The following GPHN variants were observed in gnomAD, a reference collection of about 807,000 sequenced individuals.
GPHN encodes the protein gephyrin.
A neutral mutation model predicts 95.5 loss-of-function variants in GPHN; 17 were observed. That is an observed-to-expected ratio of 0.18 (90% CI 0.12 to 0.27). The LOEUF (loss-of-function observed/expected upper bound fraction) is 0.27. GPHN is among the 10% of genes least tolerant of loss of function. The pLI is 1.00. For synonymous variants in GPHN, 320 were observed against 322.5 expected (o/e 0.99, Z 0.08); for missense variants, 660 against 978.1 (o/e 0.67, Z 4.34).
rs367586075 is a variant in GPHN, at chr14:66,712,381, G to C, written c.143+31196G>C. Reference sequence around the variant, plus strand: ...TCATGTGTCTGTGGGTTGCATAAATGTCTTCTTCTGAGAAGTGTCTGTTCA... The same window carrying C: ...TCATGTGTCTGTGGGTTGCATAAATCTCTTCTTCTGAGAAGTGTCTGTTCA... On this transcript the variant is annotated intron_variant, in intron 2 of 22. Coordinates refer to ENST00000478722, the MANE Select transcript of GPHN (RefSeq NM_020806.5). Among the ~76,000 whole-genome samples, 4 of 152,168 alleles carry C rather than the reference G, an allele frequency of 2.6e-5. 1 individual carries two copies. Among genetic ancestry groups the C allele is most frequent in the East Asian group, 1.9e-4 (1 of 5,190 alleles).
At chr14:67,387,144 CAT>C in the GPHN span, 4 of 517,024 alleles carry the variant, frequency 7.7e-6, no homozygotes, top group Non-Finnish European at 1.3e-5. Flanking sequence ...AGGTTTGTAA[CAT>C]GAAGATGGGG....
the GPHN span, among the ~76,000 whole-genome samples, chr14:67,209,633 C>A: frequency 6.6e-6 from 1 of 151,636 alleles, no homozygotes; most frequent in Non-Finnish European, 1.5e-5. Context: ...GCCTGGCCAA[C>A]ATGGTGAAAC....
intron 2 of GPHN, among the ~76,000 whole-genome samples, chr14:66,740,705 A>G (rs957167024): frequency 6.6e-6 from 1 of 152,174 alleles, no homozygotes; most frequent in Non-Finnish European, 1.5e-5. Flanking sequence ...TTCTTAATGT[A>G]TATTTAAATG....
intron 3 of GPHN, among the ~76,000 whole-genome samples, chr14:66,779,508 G>A (rs2059528167): frequency 6.6e-6 from 1 of 152,078 alleles, no homozygotes; most frequent in Non-Finnish European, 1.5e-5. Flanking sequence ...ATATTGAATT[G>A]AAATTATGTA....
chr14:66,754,156 G>A (rs937712306), intron 2 of GPHN, among the ~76,000 whole-genome samples: 1 of 151,790 alleles, frequency 6.6e-6, no homozygotes, highest in Admixed American at 6.6e-5. Context: ...TATCAATAAT[G>A]GTATGAACAT....
Position 66,683,707 on chromosome 14 carries a change from G to T in GPHN, c.143+2522G>T, listed in dbSNP as rs142365141. On this transcript the variant is annotated intron_variant, in intron 2 of 22. Coordinates refer to ENST00000478722, the MANE Select transcript of GPHN (RefSeq NM_020806.5). ...ACAAAAATCTCTTCGGCCAGGCACA[G>T]TTTCTCACGCCTGTAATCCCAGCAC... 3.5e-4 allele frequency among the ~76,000 whole-genome samples: 53 copies of T among 151,462 alleles called. No homozygotes were observed. In the East Asian group the frequency reaches 8.4e-3, roughly 24 times the overall value.
chr14:67,435,460 C>T, the GPHN span, among the ~76,000 whole-genome samples: 3 of 152,314 alleles, frequency 2.0e-5, no homozygotes, highest in East Asian at 1.9e-4. Context: ...AGGGGACATT[C>T]GAACCATAGC....
chr14:67,346,496 G>C, the GPHN span, among the ~76,000 whole-genome samples: 2 of 152,166 alleles, frequency 1.3e-5, no homozygotes, highest in African/African-American at 4.8e-5. Context: ...AACTTTTTGG[G>C]TGGAGACGGG....
chr14:66,805,202 G>A (rs1409445446), intron 3 of GPHN, among the ~76,000 whole-genome samples: 1 of 152,054 alleles, frequency 6.6e-6, no homozygotes, highest in Admixed American at 6.6e-5. Flanking sequence ...GCTTATGCAG[G>A]GAAACTCCCC....
At chr14:67,032,299 T>C (rs1452113241) in intron 10 of GPHN, among the ~76,000 whole-genome samples, 1 of 152,200 alleles carries the variant, frequency 6.6e-6, no homozygotes, top group Non-Finnish European at 1.5e-5. Context: ...TGAGGGCTAC[T>C]GAAAGCCAGG....
chr14:67,089,770 A>C (rs2077073751), intron 12 of GPHN, among the ~76,000 whole-genome samples: 1 of 152,168 alleles, frequency 6.6e-6, no homozygotes, highest in Admixed American at 6.5e-5. Context: ...ATATTTCAAA[A>C]TTCTGGCGCC....
At chr14:66,558,074 A>G (rs2060078702) in intron 1 of GPHN, among the ~76,000 whole-genome samples, 2 of 152,164 alleles carry the variant, frequency 1.3e-5, no homozygotes, top group African/African-American at 4.8e-5. Context: ...AACCTTCTCA[A>G]TGAAAATATT....
intron 1 of GPHN, among the ~76,000 whole-genome samples, chr14:66,663,870 T>TG (rs1421683792): frequency 1.3e-5 from 2 of 151,882 alleles, no homozygotes; most frequent in African/African-American, 4.8e-5. Flanking sequence ...CAAAGATCAA[T>TG]AAAGACAAAG....
chr14:67,587,521 ACTGTTACTGAGGGCATCAGTGCT>A, the GPHN span: 2 of 443,160 alleles, frequency 4.5e-6, no homozygotes, highest in Non-Finnish European at 4.2e-6. Context: ...GGGATGATCC[ACTGTTACTGAGGGCATCAGTGCT>A]ATAAGTTAAG....
the GPHN span, chr14:67,677,354 GTTTT>G: frequency 4.0e-5 from 1 of 24,714 alleles, no homozygotes; most frequent in African/African-American, 1.4e-4. Flanking sequence ...TTGTTTGTTT[GTTTT>G]TAGGATTTTT....
chr14:67,420,832 C>T, the GPHN span, among the ~76,000 whole-genome samples: 2 of 152,242 alleles, frequency 1.3e-5, no homozygotes, highest in Non-Finnish European at 2.9e-5. Flanking sequence ...AGGTCTTTTC[C>T]TGTGCAATTG....
chr14:67,205,970 G>A, the GPHN span, among the ~76,000 whole-genome samples: 1 of 152,156 alleles, frequency 6.6e-6, no homozygotes, highest in Non-Finnish European at 1.5e-5. Flanking sequence ...GATTGCTTGA[G>A]CTTGGGAGTT....
intron 8 of GPHN, among the ~76,000 whole-genome samples, chr14:66,932,211 T>TC (rs2066837175): frequency 6.6e-6 from 1 of 152,124 alleles, no homozygotes; most frequent in South Asian, 2.1e-4. Context: ...CCCTTACTTT[T>TC]CCCCAAACAA....
At chr14:67,669,051 G>A in the GPHN span, among the ~76,000 whole-genome samples, 2 of 152,036 alleles carry the variant, frequency 1.3e-5, no homozygotes, top group Non-Finnish European at 2.9e-5. Context: ...GTATTCTAAG[G>A]ACTTTACATA....
Sources: allele counts gnomAD v4.1 joint callset (sites outside exome capture counted in the v4.1 genomes callset), GRCh38; gene constraint gnomAD v4.1.1; transcripts MANE v1.5; gene names NCBI Gene and HGNC (gene_info 2026-07-23, HGNC 2026-07-21).